ADAM17: variants seen among roughly 807,000 people sequenced by gnomAD.
ADAM17 encodes the protein ADAM metallopeptidase domain 17, also known as disintegrin and metalloproteinase domain-containing protein 17.
Under a neutral mutation model 96.7 loss-of-function variants are expected in ADAM17, and 39 were observed. The observed-to-expected ratio is 0.40, with a 90% CI of 0.31 to 0.53. ADAM17 has a LOEUF of 0.53. Ranked by LOEUF, ADAM17 falls within the 20% of genes least tolerant of loss-of-function variation. The pLI is 0.44. For synonymous variants in ADAM17, 344 were observed against 359.2 expected (o/e 0.96, Z 0.48); for missense variants, 777 against 1,013.2 (o/e 0.77, Z 3.17).
At chr2:9,503,656 T>C (rs1390496260) in intron 12 of ADAM17, among the ~76,000 whole-genome samples, 2 of 151,864 alleles carry the variant, frequency 1.3e-5, no homozygotes, top group African/African-American at 4.8e-5. Flanking sequence ...CTGGCCAACA[T>C]GGTGAAACCC....
intron 14 of ADAM17, chr2:9,496,550 C>T (rs1662616412): frequency 2.0e-5 from 3 of 152,838 alleles, no homozygotes; most frequent in Admixed American, 2.0e-4. Flanking sequence ...CCCAGGGGTT[C>T]CAAAATAGCA....
chr2:9,528,747 C>A (rs1014299095), intron 4 of ADAM17, among the ~76,000 whole-genome samples: 57 of 152,254 alleles, frequency 3.7e-4, no homozygotes, highest in Middle Eastern at 3.4e-3. Context: ...GGGAAAAAAA[C>A]CCCCACAATG....
chr2:9,523,465 C>T, intron 6 of ADAM17, 127 bp from the exon 7 acceptor site: 1 of 709,186 alleles, frequency 1.4e-6, no homozygotes, highest in Non-Finnish European at 2.3e-6. Context: ...TCTACTTTCG[C>T]AAAAACTAGC....
chr2:9,535,999 T>A, intron 3 of ADAM17, 77 bp from the exon 4 acceptor site: 1 of 1,004,572 alleles, frequency 1.0e-6, no homozygotes, highest in Non-Finnish European at 1.4e-6. Context: ...CAATAAAAAT[T>A]AAATCCTTCA....
chr2:9,517,855 C>A, intron 10 of ADAM17, 46 bp downstream of exon 10: 1 of 1,312,568 alleles, frequency 7.6e-7, no homozygotes, highest in Non-Finnish European at 1.0e-6. Flanking sequence ...TGAGGTTCTA[C>A]TACAATAAAC....
At chr2:9,508,510 A>C (rs960466349) in intron 11 of ADAM17, among the ~76,000 whole-genome samples, 5 of 152,232 alleles carry the variant, frequency 3.3e-5, no homozygotes, top group Non-Finnish European at 7.3e-5. Context: ...CAAGTGTTGA[A>C]ACCATTGCTA....
Position 9,555,741 on chromosome 2 carries a change from T to G in ADAM17, c.-136A>C, listed in dbSNP as rs1665731619. On this transcript the variant is annotated 5_prime_UTR_variant, in exon 1 of 19. Coordinates refer to ENST00000310823, the MANE Select transcript of ADAM17 (RefSeq NM_003183.6). Reference sequence around the variant, plus strand: ...ATCCTCTTTTCCCTCCCGCGCCGCCTACTGGGAAGATTCTACCGCCAGGCT... The same window carrying G: ...ATCCTCTTTTCCCTCCCGCGCCGCCGACTGGGAAGATTCTACCGCCAGGCT... 1 of 682,166 alleles carries G rather than the reference T, an allele frequency of 1.5e-6. No individual in the cohort carries two copies. Among genetic ancestry groups the G allele is most frequent in the Non-Finnish European group, 2.2e-6 (1 of 448,844 alleles). 42.3% of individuals were successfully genotyped at this position (682,166 alleles called of 1,614,324 possible).
At chr2:9,548,497 G>GAAAAC (rs1334466889) in intron 1 of ADAM17, among the ~76,000 whole-genome samples, 4 of 148,920 alleles carry the variant, frequency 2.7e-5, no homozygotes, top group South Asian at 2.1e-4. Flanking sequence ...AAAAAAAAAA[G>GAAAAC]AAAACAAAAC....
At position 9,554,427 on chromosome 2, in the gene ADAM17, A is replaced by T. The variant is rs144373811; in HGVS notation, c.97+1082T>A. On this transcript the variant is annotated intron_variant, in intron 1 of 18. Coordinates refer to ENST00000310823, the MANE Select transcript of ADAM17 (RefSeq NM_003183.6). The stretch of plus-strand genomic sequence containing the variant: ...TCATTAGTCACTTGTAATCCATTTC[A>T]ATCGGAAAGAATCATAAGACAGCTG... Among the ~76,000 whole-genome samples the T allele has an allele frequency of 2.5e-3, 384 of 152,300 alleles. 1 individual carries two copies. The highest frequency in any genetic ancestry group is 4.4e-3 in the Non-Finnish European group (297 of 68,024).
At chr2:9,521,847 GC>G (rs1265636353) in intron 7 of ADAM17, 1 of 145,094 alleles carries the variant, frequency 6.9e-6, no homozygotes, top group East Asian at 1.9e-4. Context: ...CTCTCTGCCT[GC>G]CTGCCTGCCT....
intron 12 of ADAM17, among the ~76,000 whole-genome samples, chr2:9,504,253 T>C (rs13402720): frequency 0.018 from 2,793 of 151,726 alleles, 87 homozygotes; most frequent in African/African-American, 0.064. Flanking sequence ...GAGACCATCC[T>C]GGCCAACATG....
chr2:9,523,106 C>G (rs1055238707), intron 7 of ADAM17, 143 bp downstream of exon 7: 5 of 618,536 alleles, frequency 8.1e-6, no homozygotes, highest in Non-Finnish European at 1.4e-5. Flanking sequence ...AAATACTGCA[C>G]AATTCATCAT....
At chr2:9,508,205 T>G (rs1302290704) in intron 11 of ADAM17, among the ~76,000 whole-genome samples, 1 of 152,196 alleles carries the variant, frequency 6.6e-6, no homozygotes, top group Non-Finnish European at 1.5e-5. Flanking sequence ...ACCAACCATA[T>G]GTGGCTACTT....
chr2:9,495,779 G>A (rs868813876), intron 14 of ADAM17, among the ~76,000 whole-genome samples: 1 of 150,134 alleles, frequency 6.7e-6, no homozygotes, highest in Non-Finnish European at 1.5e-5. Context: ...CTTTTACTGT[G>A]TCGGGCTCTG....
At chr2:9,548,564 A>G (rs1665486673) in intron 1 of ADAM17, among the ~76,000 whole-genome samples, 1 of 152,022 alleles carries the variant, frequency 6.6e-6, no homozygotes, top group Non-Finnish European at 1.5e-5. Flanking sequence ...GGAGTTTTGA[A>G]TGATAGAGCC....
chr2:9,492,017 C>T (rs1422146622), intron 17 of ADAM17, among the ~76,000 whole-genome samples: 1 of 152,222 alleles, frequency 6.6e-6, no homozygotes, highest in Admixed American at 6.5e-5. Flanking sequence ...CCCTAGAGAT[C>T]TTCCTATACC....
Position 9,494,625 on chromosome 2 carries a change from A to AT in ADAM17, c.1914+11dup. 1 of 1,613,202 alleles carries AT rather than the reference A, an allele frequency of 6.2e-7. No homozygotes were observed. The highest frequency in any genetic ancestry group is 8.5e-7 in the Non-Finnish European group (1 of 1,179,656). On this transcript the variant is annotated intron_variant, in intron 15 of 18. Transcript: ENST00000310823. Reference sequence around the variant, plus strand: ...CTGGCTGTTACAGAAAAAGCTGTACATAAATACTCACATTCATGTCACAAA... The same window carrying AT: ...CTGGCTGTTACAGAAAAAGCTGTACATTAAATACTCACATTCATGTCACAAA...
intron 4 of ADAM17, 48 bp from the exon 5 acceptor site, chr2:9,528,002 C>A: frequency 8.1e-7 from 1 of 1,236,442 alleles, no homozygotes; most frequent in South Asian, 2.1e-5. Flanking sequence ...ATAATAATTC[C>A]TAAACACTAA....
intron 12 of ADAM17, among the ~76,000 whole-genome samples, chr2:9,503,516 C>T (rs745450630): frequency 2.6e-5 from 4 of 152,122 alleles, no homozygotes; most frequent in Non-Finnish European, 4.4e-5. Flanking sequence ...AATCTTATAC[C>T]CTTGTTAAAT....
Sources: allele counts gnomAD v4.1 joint callset (sites outside exome capture counted in the v4.1 genomes callset), GRCh38; gene constraint gnomAD v4.1.1; transcripts MANE v1.5; gene names NCBI Gene and HGNC (gene_info 2026-07-23, HGNC 2026-07-21).